SCN1A: variants seen among roughly 807,000 people sequenced by gnomAD.
SCN1A encodes sodium voltage-gated channel alpha subunit 1, also known as sodium channel protein type 1 subunit alpha.
SCN1A carries 13 observed loss-of-function variants against 193.7 expected under a neutral mutation model. The observed-to-expected ratio is 0.07, with a 90% CI of 0.04 to 0.11. The LOEUF (loss-of-function observed/expected upper bound fraction) is 0.11, where lower values mean the gene tolerates loss of function less well. SCN1A is among the 10% of genes least tolerant of loss of function. The pLI, the probability that SCN1A is intolerant of heterozygous loss-of-function variation, is 1.00. For missense variants in SCN1A, 1,432 were observed against 2,451.1 expected (o/e 0.58, Z 8.78); for synonymous variants, 781 against 843.6 (o/e 0.93, Z 1.29).
rs905561299 is a variant in SCN1A at position 166,017,600 on chromosome 2, A to G, written c.3430-1873T>C. The stretch of plus-strand genomic sequence containing the variant: ...CACTATCCGGGACATAATGAAATTC[A>G]TTACATACTTTATAAAAACCATGTG... On this transcript the variant is annotated intron_variant, in intron 19 of 28. Coordinates refer to ENST00000674923, the MANE Select transcript of SCN1A (RefSeq NM_001165963.4). Among the ~76,000 whole-genome samples, 4 of 152,206 alleles carry G rather than the reference A, an allele frequency of 2.6e-5. No homozygotes were observed. The Middle Eastern group carries it at 0.01, about 388-fold the overall frequency.
intron 2 of SCN1A, among the ~76,000 whole-genome samples, chr2:166,079,491 G>C (rs887750316): frequency 1.4e-5 from 2 of 147,302 alleles, no homozygotes; most frequent in African/African-American, 5.0e-5. Context: ...TACTGTTTTA[G>C]CACTTTCCTT....
rs560367269 is a variant in SCN1A, at chr2:165,995,056, G to A, written c.4582-640C>T. Among the ~76,000 whole-genome samples, 3 of 151,844 alleles carry A rather than the reference G, an allele frequency of 2.0e-5. No homozygotes were observed. The South Asian group carries it at 6.2e-4, about 31-fold the overall frequency. ...ATGTTTATGTCAAAAAAAACTTCAC[G>A]TTCTTTGTCGTTGATCTGTGATTCT... On this transcript the variant is annotated intron_variant, in intron 27 of 28. Coordinates refer to ENST00000674923, the MANE Select transcript of SCN1A (RefSeq NM_001165963.4).
At chr2:166,023,805 C>T (rs917379476) in intron 19 of SCN1A, among the ~76,000 whole-genome samples, 4 of 151,158 alleles carry the variant, frequency 2.6e-5, no homozygotes, top group Admixed American at 2.0e-4. Flanking sequence ...TACGGAGTTT[C>T]GCTCTTGTTG....
chr2:166,035,671 T>G (rs868775335), intron 19 of SCN1A, among the ~76,000 whole-genome samples: 3 of 152,272 alleles, frequency 2.0e-5, no homozygotes, highest in African/African-American at 7.2e-5. Context: ...TAGCCTACAG[T>G]TGGGCAAAAT....
At chr2:166,027,536 G>A in intron 19 of SCN1A, among the ~76,000 whole-genome samples, 1 of 151,434 alleles carries the variant, frequency 6.6e-6, no homozygotes, top group East Asian at 1.9e-4. Context: ...AGGGTCAAAA[G>A]CATACTTAAT....
intron 4 of SCN1A, among the ~76,000 whole-genome samples, chr2:166,069,089 G>T (rs1453109832): frequency 6.6e-6 from 1 of 152,176 alleles, no homozygotes; most frequent in East Asian, 1.9e-4. Context: ...GGAAAAAAAG[G>T]TGTGTTCACA....
intron 19 of SCN1A, among the ~76,000 whole-genome samples, chr2:166,025,928 A>G (rs1478329991): frequency 3.3e-5 from 5 of 152,146 alleles, no homozygotes; most frequent in African/African-American, 1.2e-4. Context: ...CTATTTTGGT[A>G]TTTTATTATG....
At chr2:166,004,796 C>T (rs1455869181) in intron 23 of SCN1A, among the ~76,000 whole-genome samples, 1 of 151,026 alleles carries the variant, frequency 6.6e-6, no homozygotes, top group Admixed American at 6.6e-5. Context: ...AATAGCTCCT[C>T]TTCTGAAATA....
chr2:166,058,717 A>G, intron 4 of SCN1A, 29 bp from the exon 5 acceptor site: 1 of 1,246,684 alleles, frequency 8.0e-7, no homozygotes. Flanking sequence ...ACATAGAAGT[A>G]TGAAAGTATA....
At chr2:166,039,329 T>C (rs999129777) in intron 17 of SCN1A, 94 bp downstream of exon 17, 3 of 1,275,998 alleles carry the variant, frequency 2.4e-6, no homozygotes, top group African/African-American at 1.5e-5. Flanking sequence ...ACAATGCTAA[T>C]GGTTGTGTGG....
At chr2:165,997,853 A>T (rs1418439491) in intron 26 of SCN1A, among the ~76,000 whole-genome samples, 185 bp downstream of exon 26, 1 of 151,294 alleles carries the variant, frequency 6.6e-6, no homozygotes, top group African/African-American at 2.4e-5. Flanking sequence ...TGTGGAACAC[A>T]GTTATTCTTA....
At chr2:166,001,225 C>G (rs1438397317) in intron 24 of SCN1A, among the ~76,000 whole-genome samples, 1 of 151,664 alleles carries the variant, frequency 6.6e-6, no homozygotes, top group Non-Finnish European at 1.5e-5. Flanking sequence ...TGGCCTCAAG[C>G]AATCCTCCAG....
chr2:166,098,269 C>A (rs544250548), intron 2 of SCN1A, among the ~76,000 whole-genome samples: 1 of 152,104 alleles, frequency 6.6e-6, no homozygotes, highest in African/African-American at 2.4e-5. Flanking sequence ...AAACAAAAAA[C>A]CACATGATCA....
Position 166,045,101 on chromosome 2 carries a change from C to T in SCN1A, c.1604G>A (p.Arg535His), listed in dbSNP as rs184524479. The change falls in exon 13 of 29, where the codon CGC (arginine) becomes CAC (histidine). Residue 535 changes from arginine (R) to histidine (H), a missense_variant. By Grantham distance (29) the Arg-to-His change is conservative. This residue lies in a region of SCN1A where 316 missense variants were observed against 362.1 expected (regional missense o/e 0.87). Coordinates refer to ENST00000674923, the MANE Select transcript of SCN1A (RefSeq NM_001165963.4). ...SEDSIRRKGF[R>H]FSIEGNRLTY... Reference sequence around the variant, plus strand: ...CAATCGGTTCCCTTCAATGGAGAAGCGAAAACCTTTCCTCCTGATGCTGTC... The same window carrying T: ...CAATCGGTTCCCTTCAATGGAGAAGTGAAAACCTTTCCTCCTGATGCTGTC... 23 of 1,614,128 alleles carry T rather than the reference C, an allele frequency of 1.4e-5. No homozygotes were observed. Among genetic ancestry groups the T allele is most frequent in the Admixed American group, 1.3e-4 (8 of 60,018 alleles).
chr2:166,069,271 G>C (rs980761836), intron 4 of SCN1A, among the ~76,000 whole-genome samples: 1 of 152,086 alleles, frequency 6.6e-6, no homozygotes, highest in African/African-American at 2.4e-5. Flanking sequence ...AACTCTGAAG[G>C]CTTAAAACAT....
chr2:166,113,555 A>G (rs1689528000), intron 2 of SCN1A, among the ~76,000 whole-genome samples: 1 of 77,148 alleles, frequency 1.3e-5, no homozygotes, highest in Non-Finnish European at 2.7e-5. Flanking sequence ...CGATATATAT[A>G]CTAATCATAA....
chr2:166,014,592 C>CAAAAAA (rs3032611), intron 20 of SCN1A, among the ~76,000 whole-genome samples: 1 of 56,574 alleles, frequency 1.8e-5, no homozygotes, highest in East Asian at 5.5e-4. Context: ...ATCTGGTTTT[C>CAAAAAA]AAAAAAAAAA....
intron 2 of SCN1A, among the ~76,000 whole-genome samples, chr2:166,103,222 G>A (rs1688313078): frequency 1.3e-5 from 2 of 152,060 alleles, no homozygotes; most frequent in South Asian, 4.2e-4. Context: ...AAGCCAAGGA[G>A]GGCGGATCAC....
chr2:165,998,124 C>G lies in SCN1A; in HGVS notation c.4390G>C (p.Val1464Leu). The G allele has an allele frequency of 6.2e-7, 1 of 1,605,744 alleles. No homozygotes were observed. Residue 1464 changes from valine to leucine, a missense_variant, in exon 26 of 29, where the codon GTT becomes CTT. Transcript: ENST00000674923. Reference protein sequence around the residue: ...EESLYMYLYFVIFIIFGSFFT... With the variant: ...EESLYMYLYFLIFIIFGSFFT... ...AAGGACCCAAAGATGATGAAAATAA[C>G]AAAGTAAAGATACATGTACAGACTT... is the stretch of plus-strand genomic sequence containing the variant.
Sources: allele counts gnomAD v4.1 joint callset (sites outside exome capture counted in the v4.1 genomes callset), GRCh38; gene constraint gnomAD v4.1.1; regional missense constraint gnomAD v4.1.1; transcripts MANE v1.5; gene names NCBI Gene and HGNC (gene_info 2026-07-23, HGNC 2026-07-21).